The following SCN10A variants were observed in gnomAD, a reference collection of about 807,000 sequenced individuals.
SCN10A encodes sodium channel protein type 10 subunit alpha.
Under a neutral mutation model 170.7 loss-of-function variants are expected in SCN10A, and 162 were observed. The observed-to-expected ratio is 0.95, with a 90% CI of 0.84 to 1.08. The LOEUF (loss-of-function observed/expected upper bound fraction) is 1.08. Among genes scored for constraint, SCN10A ranks in the 50% least tolerant of loss-of-function variants. The pLI is 0.00. For missense variants in SCN10A, 2,527 were observed against 2,436.9 expected, an observed-to-expected ratio of 1.04 and a Z score of -0.78; for synonymous variants, 985 against 904.6, an observed-to-expected ratio of 1.09 and a Z score of -1.59.
chr3:38,806,229 C>T (rs985977168), intron 1 of SCN10A, among the ~76,000 whole-genome samples: 3 of 152,248 alleles, frequency 2.0e-5, no homozygotes, highest in African/African-American at 7.2e-5. Flanking sequence ...CTTAAAACAG[C>T]TCTGCCCACC....
intron 4 of SCN10A, among the ~76,000 whole-genome samples, chr3:38,777,109 T>C (rs796533460): frequency 6.6e-5 from 10 of 151,916 alleles, no homozygotes; most frequent in African/African-American, 2.4e-4. Flanking sequence ...AAGAGCAAAA[T>C]AAATATGCTC....
In SCN10A at chr3:38,697,584, A is replaced by C; in HGVS notation, c.5636T>G (p.Val1879Gly). Residue 1879 changes from valine to glycine, a missense_variant, in exon 28 of 28, where the codon GTG becomes GGG. Coordinates refer to ENST00000449082, the MANE Select transcript of SCN10A (RefSeq NM_006514.4). Reference protein sequence around the residue: ...RSMALSNTPCVPRAEEEAASL... With the variant: ...RSMALSNTPCGPRAEEEAASL... The stretch of plus-strand genomic sequence containing the variant: ...TGCAGCCTCCTCCTCAGCTCTGGGC[A>C]CACATGGGGTGTTAGAGAGTGCCAT... 1.2e-6 allele frequency: 2 copies of C among 1,614,184 alleles called. No homozygotes were observed. Among genetic ancestry groups the C allele is most frequent in the Non-Finnish European group, 8.5e-7 (1 of 1,180,022 alleles).
At chr3:38,791,527 T>A (rs575362555) in intron 3 of SCN10A, among the ~76,000 whole-genome samples, 3 of 152,186 alleles carry the variant, frequency 2.0e-5, no homozygotes, top group Admixed American at 2.0e-4. Flanking sequence ...TGAGGTCCCA[T>A]TGAGACTATG....
chr3:38,708,590 G>A (rs528540075), intron 25 of SCN10A, among the ~76,000 whole-genome samples: 67 of 151,952 alleles, frequency 4.4e-4, no homozygotes, highest in African/African-American at 1.3e-3. Flanking sequence ...CTCTTGAGGC[G>A]CTGCCAGTCA....
chr3:38,713,109 C>A (rs2063294206), intron 22 of SCN10A, among the ~76,000 whole-genome samples: 1 of 152,184 alleles, frequency 6.6e-6, no homozygotes, highest in South Asian at 2.1e-4. Flanking sequence ...GGGTGTCAAT[C>A]AGCAATCTCT....
chr3:38,786,086 T>C (rs1363115439), intron 4 of SCN10A, among the ~76,000 whole-genome samples: 1 of 152,178 alleles, frequency 6.6e-6, no homozygotes, highest in Non-Finnish European at 1.5e-5. Context: ...CTCAAGGATC[T>C]AGAACCAGAA....
intron 1 of SCN10A, among the ~76,000 whole-genome samples, chr3:38,802,684 AC>A (rs2064379988): frequency 6.6e-6 from 1 of 152,230 alleles, no homozygotes; most frequent in South Asian, 2.1e-4. Context: ...TAGACCTAAA[AC>A]CATAAAAATC....
At chr3:38,725,085 C>A (rs1293253192) in intron 18 of SCN10A, 89 bp downstream of exon 18, 5 of 1,304,702 alleles carry the variant, frequency 3.8e-6, no homozygotes, top group East Asian at 2.5e-5. Context: ...TGGAATACCC[C>A]ACCTTCACCG....
At chr3:38,737,546 A>T (rs2126010457) in intron 15 of SCN10A, among the ~76,000 whole-genome samples, 1 of 152,326 alleles carries the variant, frequency 6.6e-6, no homozygotes, top group East Asian at 1.9e-4. Flanking sequence ...CAGCTTAGGC[A>T]GATGCCATCA....
At chr3:38,781,825 T>G (rs1258249567) in intron 4 of SCN10A, among the ~76,000 whole-genome samples, 1 of 152,136 alleles carries the variant, frequency 6.6e-6, no homozygotes, top group Non-Finnish European at 1.5e-5. Flanking sequence ...ATTTGGCATC[T>G]CTTATTTGCT....
rs748441157 is a variant in SCN10A, at chr3:38,697,354, G to C, written c.5866C>G (p.Pro1956Ala). 3.1e-6 allele frequency: 5 copies of C among 1,613,610 alleles called. No homozygotes were observed. The highest frequency in any genetic ancestry group is 4.2e-6 in the Non-Finnish European group (5 of 1,179,590). Residue 1956 changes from proline (P) to alanine (A), a missense_variant, in exon 28 of 28, where the codon CCC (proline) becomes GCC (alanine). Coordinates refer to ENST00000449082, the MANE Select transcript of SCN10A (RefSeq NM_006514.4). Reference protein sequence around the residue: ...ATSMELIAPGP With the variant: ...ATSMELIAPGA Reference sequence around the variant, plus strand: ...TCCAGGCTGGAGTGTTCTCACTAGGGCCCAGGGGCAATCAGCTCCATACTG... The same window carrying C: ...TCCAGGCTGGAGTGTTCTCACTAGGCCCCAGGGGCAATCAGCTCCATACTG...
At chr3:38,738,800 G>A (rs1029271836) in intron 15 of SCN10A, among the ~76,000 whole-genome samples, 95 of 152,208 alleles carry the variant, frequency 6.2e-4, no homozygotes, top group African/African-American at 2.1e-3. Context: ...CAAACCTGTG[G>A]CTCTGATAAA....
chr3:38,795,907 T>C (rs1575186109), intron 1 of SCN10A, among the ~76,000 whole-genome samples: 1 of 152,142 alleles, frequency 6.6e-6, no homozygotes, highest in East Asian at 1.9e-4. Flanking sequence ...AGCAGCAAAG[T>C]TAAAATTTCC....
At position 38,697,848 on chromosome 3, in the gene SCN10A, G is replaced by A. The variant is rs1410501729; in HGVS notation, c.5372C>T (p.Pro1791Leu). The change falls in exon 28 of 28, where the codon CCT becomes CTT. Residue 1791 changes from proline (P) to leucine (L), a missense_variant. Coordinates refer to ENST00000449082, the MANE Select transcript of SCN10A (RefSeq NM_006514.4). ...NRNILIQMDL[P>L]LVPGDKIHCL... ...GTGGATCTTATCTCCAGGGACCAAA[G>A]GCAGGTCCATCTGGATCAGTATATT... is the stretch of plus-strand genomic sequence containing the variant. 6.2e-7 allele frequency: 1 copy of A among 1,614,134 alleles called. No homozygotes were observed. The highest frequency in any genetic ancestry group is 1.1e-5 in the South Asian group (1 of 91,074).
intron 25 of SCN10A, among the ~76,000 whole-genome samples, chr3:38,708,843 A>G (rs2063239088): frequency 6.6e-6 from 1 of 152,226 alleles, no homozygotes; most frequent in African/African-American, 2.4e-5. Flanking sequence ...TGACTTATCC[A>G]TGTAGCCCCT....
chr3:38,785,452 C>T (rs2064187831), intron 4 of SCN10A, among the ~76,000 whole-genome samples: 1 of 152,064 alleles, frequency 6.6e-6, no homozygotes, highest in South Asian at 2.1e-4. Context: ...AAACTAGATC[C>T]CTTCCTTATA....
intron 15 of SCN10A, among the ~76,000 whole-genome samples, chr3:38,736,962 CGTTT>C (rs1279851168): frequency 0.011 from 753 of 69,204 alleles, 22 homozygotes; most frequent in African/African-American, 0.033. Context: ...CAGAAATGTT[CGTTT>C]TTTTTTTTTT....
intron 20 of SCN10A, 125 bp downstream of exon 20, chr3:38,722,133 A>G: frequency 1.1e-6 from 1 of 916,676 alleles, no homozygotes. Flanking sequence ...CTCTCCTTCT[A>G]GTGACAAGGT....
Position 38,697,734 on chromosome 3 carries a change from A to G in SCN10A, c.5486T>C (p.Phe1829Ser), listed in dbSNP as rs1559405822. The stretch of plus-strand genomic sequence containing the variant: ...TGATTTTGAAAGATTAGTTGCCATA[A>G]ACTTCTCCTCCATATTTGCCTTCAG... ...DSLKANMEEK[F>S]MATNLSKSSY... The change falls in exon 28 of 28, where the codon TTT becomes TCT. Residue 1829 changes from phenylalanine to serine, a missense_variant. By Grantham distance (155) the Phe-to-Ser change is radical (BLOSUM62 -2). Coordinates refer to ENST00000449082, the MANE Select transcript of SCN10A (RefSeq NM_006514.4). 6.2e-7 allele frequency: 1 copy of G among 1,613,996 alleles called. No homozygotes were observed. The highest frequency in any genetic ancestry group is 8.5e-7 in the Non-Finnish European group (1 of 1,179,992).
Sources: allele counts gnomAD v4.1 joint callset (sites outside exome capture counted in the v4.1 genomes callset), GRCh38; gene constraint gnomAD v4.1.1; transcripts MANE v1.5; gene names NCBI Gene and HGNC (gene_info 2026-07-23, HGNC 2026-07-21).